HECW2: variants seen among roughly 807,000 people sequenced by gnomAD.
HECW2 encodes the protein E3 ubiquitin-protein ligase HECW2.
HECW2 carries 61 observed loss-of-function variants against 175.2 expected under a neutral mutation model. The ratio of observed to expected loss-of-function variants is 0.35; its 90% CI spans 0.28 to 0.43. The LOEUF (loss-of-function observed/expected upper bound fraction) is 0.43, where lower values mean the gene tolerates loss of function less well. HECW2 is among the 20% of genes least tolerant of loss of function. HECW2 has a pLI of 1.00. For missense variants in HECW2, 1,524 were observed against 2,000.5 expected, an observed-to-expected ratio of 0.76 and a Z score of 4.54; for synonymous variants, 671 against 731.0, an observed-to-expected ratio of 0.92 and a Z score of 1.32.
intron 2 of HECW2, among the ~76,000 whole-genome samples, chr2:196,403,067 A>C (rs1378906440): frequency 6.6e-6 from 1 of 152,100 alleles, no homozygotes; most frequent in East Asian, 1.9e-4. Context: ...TTGGCCTCCC[A>C]AGTGCTGGGA....
intron 10 of HECW2, among the ~76,000 whole-genome samples, chr2:196,310,116 G>T (rs1196073618): frequency 3.3e-5 from 5 of 152,084 alleles, no homozygotes; most frequent in Non-Finnish European, 5.9e-5. Context: ...AATTTAAAAT[G>T]ACACAAAGCC....
At chr2:196,460,477 C>T (rs1696696162) in intron 1 of HECW2, among the ~76,000 whole-genome samples, 1 of 137,472 alleles carries the variant, frequency 7.3e-6, no homozygotes, top group Non-Finnish European at 1.5e-5. Flanking sequence ...AAAACAAAAC[C>T]GATTAAACCT....
chr2:196,223,504 G>T (rs566830845), intron 23 of HECW2, among the ~76,000 whole-genome samples: 15 of 152,242 alleles, frequency 9.9e-5, no homozygotes, highest in Admixed American at 5.2e-4. Context: ...AAAATACAAG[G>T]CATGGATGTG....
rs1695773514 is a variant in HECW2 at position 196,433,346 on chromosome 2, C to G, written c.78G>C (p.Glu26Asp). The change falls in exon 2 of 29, where the codon GAG (glutamate) becomes GAC (aspartate). Residue 26 changes from glutamate to aspartate, a missense_variant. Glu to Asp is a conservative substitution (Grantham distance 45). Transcript: ENST00000644978. ...NPQMRYTLSPENLQSLAAQSS... is the reference protein window; with the variant it reads ...NPQMRYTLSPDNLQSLAAQSS... The stretch of plus-strand genomic sequence containing the variant: ...TCTGGGCGGCAAGGCTCTGGAGGTT[C>G]TCTGGGCTCAATGTGTACCGCATCT... 1 of 1,614,164 alleles carries G rather than the reference C, an allele frequency of 6.2e-7. No homozygotes were observed.
intron 15 of HECW2, among the ~76,000 whole-genome samples, chr2:196,278,191 C>T (rs1323093509): frequency 7.6e-6 from 1 of 130,864 alleles, no homozygotes; most frequent in Non-Finnish European, 1.6e-5. Flanking sequence ...TTCATTTCTT[C>T]CTGTGAGGCT....
Position 196,319,594 on chromosome 2 carries a change from C to G in HECW2, c.1296G>C (p.Gly432=). 1 of 1,614,222 alleles carries G rather than the reference C, an allele frequency of 6.2e-7. No homozygotes were observed. Among genetic ancestry groups the G allele is most frequent in the Non-Finnish European group, 8.5e-7 (1 of 1,180,026 alleles). Residue 432 remains glycine, a synonymous_variant, in exon 9 of 29, where the codon GGG becomes GGC. Transcript: ENST00000644978. ...AIEHNGHSRP[G]TATCSERSMG... Reference sequence around the variant, plus strand: ...TGGACCTCTCAGAGCAGGTCGCTGTCCCCGGCCTGGAGTGGCCATTGTGTT... The same window carrying G: ...TGGACCTCTCAGAGCAGGTCGCTGTGCCCGGCCTGGAGTGGCCATTGTGTT...
At chr2:196,266,927 T>TG (rs1162707695) in intron 17 of HECW2, among the ~76,000 whole-genome samples, 3 of 152,224 alleles carry the variant, frequency 2.0e-5, no homozygotes, top group Non-Finnish European at 4.4e-5. Flanking sequence ...TGGTGAATCC[T>TG]GAGACACATA....
chr2:196,201,470 CTGTGTGTGTA>C, intron 28 of HECW2, 82 bp from the exon 29 acceptor site: 1 of 851,998 alleles, frequency 1.2e-6, no homozygotes, highest in Non-Finnish European at 1.9e-6. Flanking sequence ...GTGTGTGTGT[CTGTGTGTGTA>C]TGACTGTCTT....
rs9679311 is a variant in HECW2 at position 196,206,469 on chromosome 2, A to C, written c.4608-5081T>G. Among the ~76,000 whole-genome samples the C allele has an allele frequency of 8.8e-3, 1,334 of 152,356 alleles. 29 individuals are homozygous for C. The highest frequency in any genetic ancestry group is 0.031 in the African/African-American group (1,272 of 41,584). On this transcript the variant is annotated intron_variant, in intron 28 of 28. Transcript: ENST00000644978. ...ATCCAGTGAGCCAAAAGTATCAGTT[A>C]CATTTCCATTTCCATAGATTGGTTT...
At chr2:196,413,249 G>C (rs1279517781) in intron 2 of HECW2, among the ~76,000 whole-genome samples, 2 of 152,192 alleles carry the variant, frequency 1.3e-5, no homozygotes, top group Non-Finnish European at 2.9e-5. Flanking sequence ...CAGCCACTCA[G>C]GAAGCTGGCG....
At chr2:196,370,650 C>A (rs1020440625) in intron 2 of HECW2, among the ~76,000 whole-genome samples, 4 of 152,108 alleles carry the variant, frequency 2.6e-5, no homozygotes, top group Non-Finnish European at 4.4e-5. Flanking sequence ...TATTTACAAC[C>A]CCAGAGCAAT....
At chr2:196,569,371 C>CTAAACTAAAATAAAATAAAA (rs375827600) in intron 1 of HECW2, among the ~76,000 whole-genome samples, 559 of 144,266 alleles carry the variant, frequency 3.9e-3, no homozygotes, top group Middle Eastern at 0.014. Context: ...CTAAACTAAA[C>CTAAACTAAAATAAAATAAAA]TAAAATAAAA....
At chr2:196,353,093 T>C (rs371367115) in intron 2 of HECW2, among the ~76,000 whole-genome samples, 33 of 152,264 alleles carry the variant, frequency 2.2e-4, no homozygotes, top group African/African-American at 7.5e-4. Flanking sequence ...CCTTTCCTAC[T>C]TTCCCCGCCT....
chr2:196,545,302 C>T (rs1216568747), intron 1 of HECW2, among the ~76,000 whole-genome samples: 1 of 152,142 alleles, frequency 6.6e-6, no homozygotes, highest in Non-Finnish European at 1.5e-5. Flanking sequence ...GCTGAAACTC[C>T]TCAGTAATTA....
rs186775385 is a variant in HECW2, at chr2:196,314,030, C to T, written c.2434+3244G>A. 2.2e-3 allele frequency among the ~76,000 whole-genome samples: 340 copies of T among 152,302 alleles called. 2 individuals are homozygous for T. Among genetic ancestry groups the T allele is most frequent in the Non-Finnish European group, 2.3e-3 (158 of 68,032 alleles). On this transcript the variant is annotated intron_variant, in intron 10 of 28. Coordinates refer to ENST00000644978, the MANE Select transcript of HECW2 (RefSeq NM_001348768.2). ...GCACCATGATCATGCCACATGGTGG[C>T]CATCAAAGCTCAAACTACACTGCTT...
chr2:196,289,632 G>A (rs773563941), intron 14 of HECW2: 1 of 152,204 alleles, frequency 6.6e-6, no homozygotes, highest in Non-Finnish European at 1.5e-5. Context: ...AAACTCCCAT[G>A]CTGATCAGTA....
At position 196,343,700 on chromosome 2, in the gene HECW2, C is replaced by T. The variant is rs773503947; in HGVS notation, c.357G>A (p.Gly119=). Residue 119 remains glycine (G), a synonymous_variant, in exon 3 of 29, where the codon GGG becomes GGA. Coordinates refer to ENST00000644978, the MANE Select transcript of HECW2 (RefSeq NM_001348768.2). ...CAGGCTCAATTCTCCATACAATTTG[C>T]CCTTTTTGTGTTCCAGTCACACCCC... ...KNRGVTGTQK[G]QIVWRIEPGP... is the part of the protein sequence containing the mutation. 1 of 1,613,878 alleles carries T rather than the reference C, an allele frequency of 6.2e-7. No individual in the cohort carries two copies. Among genetic ancestry groups the T allele is most frequent in the South Asian group, 1.1e-5 (1 of 91,068 alleles).
chr2:196,574,161 G>A (rs1352874586), intron 1 of HECW2, among the ~76,000 whole-genome samples: 2 of 152,168 alleles, frequency 1.3e-5, no homozygotes, highest in East Asian at 1.9e-4. Context: ...TAGGCATGGC[G>A]GCTCACGTCT....
intron 2 of HECW2, among the ~76,000 whole-genome samples, chr2:196,365,942 T>C (rs761892640): frequency 1.3e-5 from 2 of 152,198 alleles, no homozygotes; most frequent in African/African-American, 2.4e-5. Context: ...TAGCTGGATT[T>C]CAAATCTTGG....
Sources: allele counts gnomAD v4.1 joint callset (sites outside exome capture counted in the v4.1 genomes callset), GRCh38; gene constraint gnomAD v4.1.1; transcripts MANE v1.5; gene names NCBI Gene and HGNC (gene_info 2026-07-23, HGNC 2026-07-21).